Variants in CFAP53 observed in about 807,000 individuals in gnomAD.
CFAP53 encodes cilia and flagella associated protein 53, also known as cilia- and flagella-associated protein 53.
A neutral mutation model predicts 59.7 loss-of-function variants in CFAP53; 62 were observed. That is an observed-to-expected ratio of 1.04 (90% confidence interval 0.85 to 1.28). The LOEUF (loss-of-function observed/expected upper bound fraction) is 1.28. CFAP53 is among the 50% of genes most tolerant of loss of function. CFAP53 has a pLI of 0.00. For missense variants in CFAP53, 629 were observed against 615.6 expected (o/e 1.02, Z -0.23); for synonymous variants, 218 against 205.7 (o/e 1.06, Z -0.51).
intron 5 of CFAP53, among the ~76,000 whole-genome samples, chr18:50,246,778 G>C (rs1174506842): frequency 6.6e-6 from 1 of 152,188 alleles, no homozygotes; most frequent in Non-Finnish European, 1.5e-5. Context: ...AGGCGTGGTG[G>C]CTCACGCCTG....
chr18:50,243,850 G>T (rs2033716759), intron 5 of CFAP53, among the ~76,000 whole-genome samples: 1 of 152,062 alleles, frequency 6.6e-6, no homozygotes, highest in South Asian at 2.1e-4. Context: ...TACTCGGGAG[G>T]CTGAGGCAGG....
Position 50,250,895 on chromosome 18 carries a change from T to C in CFAP53, c.859A>G (p.Ile287Val). ...CTCTCTTGTAGGGCTTTTTGCAAAA[T>C]GGTCCTAGTTTCCTGCTTTGCCTTC... ...KQKAKQETRT[I>V]LQKALQERIE... The change falls in exon 5 of 8, where the codon ATT (isoleucine) becomes GTT (valine). Residue 287 changes from isoleucine to valine, a missense_variant. Physicochemically the swap from Ile to Val is conservative, Grantham distance 29. Transcript: ENST00000398545. The C allele has an allele frequency of 1.2e-6, 2 of 1,614,190 alleles. No homozygotes were observed. The highest frequency in any genetic ancestry group is 1.7e-6 in the Non-Finnish European group (2 of 1,180,018).
intron 7 of CFAP53, among the ~76,000 whole-genome samples, chr18:50,233,495 T>C (rs576108551): frequency 6.6e-6 from 1 of 152,314 alleles, no homozygotes; most frequent in East Asian, 1.9e-4. Context: ...TTTTTTTGTA[T>C]ATTTGTCCTA....
At chr18:50,246,771 C>G (rs966478811) in intron 5 of CFAP53, among the ~76,000 whole-genome samples, 1 of 151,986 alleles carries the variant, frequency 6.6e-6, no homozygotes, top group Admixed American at 6.5e-5. Flanking sequence ...CTTGGCCAGG[C>G]GTGGTGGCTC....
intron 6 of CFAP53, 101 bp downstream of exon 6, chr18:50,242,799 A>G: frequency 1.0e-6 from 1 of 954,678 alleles, no homozygotes; most frequent in Non-Finnish European, 1.6e-6. Context: ...TGCATCCCTC[A>G]TGGTGTTTTA....
chr18:50,252,543 A>C (rs2033811265), intron 3 of CFAP53, among the ~76,000 whole-genome samples: 1 of 152,152 alleles, frequency 6.6e-6, no homozygotes, highest in Non-Finnish European at 1.5e-5. Context: ...AGCTGAGACT[A>C]TAAGCACATG....
At chr18:50,229,078 AC>A (rs2033554704) in intron 7 of CFAP53, among the ~76,000 whole-genome samples, 1 of 152,192 alleles carries the variant, frequency 6.6e-6, no homozygotes, top group African/African-American at 2.4e-5. Flanking sequence ...ACAGAGCAAG[AC>A]CTTGTCAAAA....
At chr18:50,235,474 G>C (rs948422975) in intron 7 of CFAP53, among the ~76,000 whole-genome samples, 9 of 152,202 alleles carry the variant, frequency 5.9e-5, no homozygotes, top group Non-Finnish European at 1.3e-4. Flanking sequence ...GGCTGAGGCA[G>C]GAGAATCACT....
intron 4 of CFAP53, 127 bp from the exon 5 acceptor site, chr18:50,251,103 G>A: frequency 1.2e-6 from 1 of 813,308 alleles, no homozygotes; most frequent in South Asian, 1.7e-5. Flanking sequence ...TAGAGAGGCT[G>A]TAAGAAAGAA....
At chr18:50,265,017 G>A (rs1178850624) in intron 1 of CFAP53, among the ~76,000 whole-genome samples, 1 of 152,190 alleles carries the variant, frequency 6.6e-6, no homozygotes, top group Non-Finnish European at 1.5e-5. Context: ...TTTGCTATGT[G>A]CACTGTGGAG....
chr18:50,232,003 A>C (rs2033588159), intron 7 of CFAP53, among the ~76,000 whole-genome samples: 1 of 152,074 alleles, frequency 6.6e-6, no homozygotes, highest in African/African-American at 2.4e-5. Context: ...CATCCAGCAT[A>C]AGGCCCCTGA....
intron 7 of CFAP53, among the ~76,000 whole-genome samples, chr18:50,237,351 T>TATACATATATATATATATATATAC (rs67836600): frequency 6.1e-5 from 1 of 16,314 alleles, no homozygotes; most frequent in Non-Finnish European, 1.2e-4. Context: ...TATATATATA[T>TATACATATATATATATATATATAC]ACGCACACAT....
At chr18:50,239,138 AG>A (rs2033664618) in intron 6 of CFAP53, among the ~76,000 whole-genome samples, 1 of 151,312 alleles carries the variant, frequency 6.6e-6, no homozygotes, top group Admixed American at 6.6e-5. Context: ...CGGTAATCCC[AG>A]CATTTTGGGA....
chr18:50,232,459 TC>T (rs1211461714), intron 7 of CFAP53, among the ~76,000 whole-genome samples: 2 of 152,144 alleles, frequency 1.3e-5, no homozygotes, highest in Non-Finnish European at 2.9e-5. Context: ...CCTCCAGGTT[TC>T]CCTAAAAATA....
At chr18:50,259,987 T>C (rs2033876626) in intron 3 of CFAP53, among the ~76,000 whole-genome samples, 1 of 152,210 alleles carries the variant, frequency 6.6e-6, no homozygotes, top group Admixed American at 6.5e-5. Flanking sequence ...GGAGACTATT[T>C]AGTATATTTT....
At chr18:50,248,216 A>C (rs2033764121) in intron 5 of CFAP53, among the ~76,000 whole-genome samples, 1 of 152,192 alleles carries the variant, frequency 6.6e-6, no homozygotes, top group South Asian at 2.1e-4. Context: ...ACAGGCTCAT[A>C]AAAAGTTGTT....
intron 7 of CFAP53, among the ~76,000 whole-genome samples, chr18:50,237,039 G>A (rs998647907): frequency 2.6e-5 from 4 of 151,636 alleles, no homozygotes; most frequent in Non-Finnish European, 5.9e-5. Flanking sequence ...AGGCGCAGTG[G>A]CTCACGCCTG....
intron 2 of CFAP53, 85 bp downstream of exon 2, chr18:50,261,905 G>C (rs2033897036): frequency 9.9e-7 from 1 of 1,008,064 alleles, no homozygotes; most frequent in Admixed American, 1.8e-5. Context: ...CATGATCCTT[G>C]CTAAATTTGA....
At chr18:50,243,907 G>A (rs1466787195) in intron 5 of CFAP53, among the ~76,000 whole-genome samples, 4 of 151,290 alleles carry the variant, frequency 2.6e-5, no homozygotes, top group South Asian at 2.1e-4. Context: ...AGCCGAGATC[G>A]TGCCACTGCA....
Sources: gnomAD v4.1 joint callset for allele counts (sites outside exome capture counted in the v4.1 genomes callset) on GRCh38, gnomAD v4.1.1 for gene constraint, MANE v1.5 for transcripts, NCBI Gene and HGNC (gene_info 2026-07-23, HGNC 2026-07-21) for gene names.